GPC6: variants seen among roughly 807,000 people sequenced by gnomAD.
GPC6 encodes the protein glypican-6.
GPC6 carries 14 observed loss-of-function variants against 55.2 expected under a neutral mutation model. That is an observed-to-expected ratio of 0.25 (90% CI 0.17 to 0.40). The LOEUF (loss-of-function observed/expected upper bound fraction) is 0.40, where lower values mean the gene tolerates loss of function less well. Ranked by LOEUF, GPC6 falls within the 10% of genes least tolerant of loss-of-function variation. GPC6 has a pLI of 1.00. For missense variants in GPC6, 641 were observed against 708.5 expected (o/e 0.90, Z 1.08); for synonymous variants, 278 against 259.6 (o/e 1.07, Z -0.68).
At chr13:93,446,234 C>A (rs1249316177) in intron 1 of GPC6, among the ~76,000 whole-genome samples, 1 of 152,116 alleles carries the variant, frequency 6.6e-6, no homozygotes, top group Non-Finnish European at 1.5e-5. Flanking sequence ...CTAGCTCCTG[C>A]AAGCTCCTTT....
chr13:94,180,902 G>C (rs1223901374), intron 4 of GPC6, among the ~76,000 whole-genome samples: 1 of 152,070 alleles, frequency 6.6e-6, no homozygotes, highest in African/African-American at 2.4e-5. Context: ...GAGAGAGGGA[G>C]AGAGACTGAA....
chr13:93,633,761 T>C (rs1420369731), intron 2 of GPC6, among the ~76,000 whole-genome samples: 1 of 152,098 alleles, frequency 6.6e-6, no homozygotes, highest in Non-Finnish European at 1.5e-5. Context: ...AGTGAAAGAA[T>C]AGAAAGTCGG....
intron 4 of GPC6, among the ~76,000 whole-genome samples, chr13:94,177,345 CAA>C (rs1888812656): frequency 6.6e-6 from 1 of 151,800 alleles, no homozygotes; most frequent in Non-Finnish European, 1.5e-5. Context: ...TGTCAACCAC[CAA>C]GATAAAGATA....
intron 2 of GPC6, among the ~76,000 whole-genome samples, chr13:93,681,368 ATACT>A (rs1881840216): frequency 6.6e-6 from 1 of 152,182 alleles, no homozygotes; most frequent in Admixed American, 6.6e-5. Context: ...TATTTGAAAA[ATACT>A]TATATATTTA....
At chr13:94,398,396 C>A in intron 7 of GPC6, 70 bp from the exon 8 acceptor site, 2 of 1,158,602 alleles carry the variant, frequency 1.7e-6, no homozygotes, top group Non-Finnish European at 2.6e-6. Flanking sequence ...TCTGGTTTTG[C>A]ATGGCAGCAT....
Position 93,513,927 on chromosome 13 carries a change from G to A in GPC6, c.161-31336G>A, listed in dbSNP as rs143639251. Among the ~76,000 whole-genome samples, 44 of 143,340 alleles carry A rather than the reference G, an allele frequency of 3.1e-4. 2 individuals are homozygous for A. The East Asian group carries it at 7.3e-3, about 24-fold the overall frequency. The allele number at this position is 143,340 out of a possible 152,430, so 94.0% of individuals were successfully genotyped here. On this transcript the variant is annotated intron_variant, in intron 1 of 8. Coordinates refer to ENST00000377047, the MANE Select transcript of GPC6 (RefSeq NM_005708.5). ...TCACTCTCGTTGCCCAGGCTGGAGT[G>A]TAATGGAGCAATCTTGGCTCACTGC...
chr13:93,698,313 C>T (rs145803377), intron 2 of GPC6, among the ~76,000 whole-genome samples: 205 of 152,206 alleles, frequency 1.3e-3, no homozygotes, highest in African/African-American at 4.8e-3. Context: ...TGTCATTAAG[C>T]ATTCTTCGTT....
At chr13:94,191,670 T>G (rs945634542) in intron 4 of GPC6, among the ~76,000 whole-genome samples, 6 of 151,986 alleles carry the variant, frequency 3.9e-5, no homozygotes, top group African/African-American at 1.5e-4. Context: ...AATTGAGACT[T>G]ATCTTTCCAT....
At chr13:93,527,360 C>T (rs1199005509) in intron 1 of GPC6, among the ~76,000 whole-genome samples, 1 of 152,018 alleles carries the variant, frequency 6.6e-6, no homozygotes, top group Non-Finnish European at 1.5e-5. Context: ...GCAGTGTATT[C>T]CTTAAAACTC....
At chr13:94,300,643 T>C (rs1875601423) in intron 5 of GPC6, among the ~76,000 whole-genome samples, 1 of 152,198 alleles carries the variant, frequency 6.6e-6, no homozygotes, top group Non-Finnish European at 1.5e-5. Flanking sequence ...AGAATTGCTT[T>C]GTACATCTGT....
chr13:93,306,250 A>G (rs923521767), intron 1 of GPC6, among the ~76,000 whole-genome samples: 33 of 152,200 alleles, frequency 2.2e-4, no homozygotes, highest in African/African-American at 7.7e-4. Flanking sequence ...TAATGAAATA[A>G]GCATGTGATT....
chr13:93,652,458 C>T (rs1413211232), intron 2 of GPC6, among the ~76,000 whole-genome samples: 1 of 152,210 alleles, frequency 6.6e-6, no homozygotes, highest in Non-Finnish European at 1.5e-5. Context: ...CCACCAAATT[C>T]AGCCAGTTTA....
intron 2 of GPC6, among the ~76,000 whole-genome samples, chr13:93,823,371 G>A (rs958876890): frequency 4.6e-5 from 7 of 151,652 alleles, no homozygotes; most frequent in African/African-American, 9.7e-5. Flanking sequence ...GTCTATCATC[G>A]TTTTGGATCT....
intron 6 of GPC6, among the ~76,000 whole-genome samples, chr13:94,371,104 G>A (rs1438967511): frequency 6.6e-6 from 1 of 152,146 alleles, no homozygotes; most frequent in Admixed American, 6.5e-5. Context: ...CAATACACCA[G>A]CAGCAAGTTA....
At chr13:94,038,174 G>A (rs1883407828) in intron 4 of GPC6, among the ~76,000 whole-genome samples, 1 of 151,816 alleles carries the variant, frequency 6.6e-6, no homozygotes, top group Non-Finnish European at 1.5e-5. Context: ...TATACATTGT[G>A]AAGTAATTAC....
intron 4 of GPC6, among the ~76,000 whole-genome samples, chr13:94,085,963 A>C (rs1885267443): frequency 6.6e-6 from 1 of 152,160 alleles, no homozygotes; most frequent in Non-Finnish European, 1.5e-5. Flanking sequence ...AACTTCTCCT[A>C]ATGGGTTATT....
At chr13:93,828,941 AG>A (rs1489964301) in intron 2 of GPC6, among the ~76,000 whole-genome samples, 3 of 152,142 alleles carry the variant, frequency 2.0e-5, no homozygotes, top group African/African-American at 7.2e-5. Context: ...GAATTAATGG[AG>A]AGGTGTTCGT....
In GPC6 at chr13:94,225,829, T is replaced by G. The variant is rs532417326; in HGVS notation, c.878-60520T>G. ...ATGCATCGTTCAGTATTCACTAATC[T>G]GGTGTTTGCAGTGACCTTACAGAAC... On this transcript the variant is annotated intron_variant, in intron 4 of 8. Transcript: ENST00000377047. Among the ~76,000 whole-genome samples, 23 of 152,226 alleles carry G rather than the reference T, an allele frequency of 1.5e-4. No individual in the cohort carries two copies. The East Asian group carries it at 3.7e-3, about 24-fold the overall frequency.
chr13:93,873,591 T>C lies in GPC6; in HGVS notation c.711+43046T>C, dbSNP rs183428652. On this transcript the variant is annotated intron_variant, in intron 3 of 8. Transcript: ENST00000377047. ...CATTCTGTGCACAAGACAGCCCCTA[T>C]GACAAATAATCATCTGGCCCCACCT... 2.1e-3 allele frequency among the ~76,000 whole-genome samples: 324 copies of C among 152,026 alleles called. 2 individuals are homozygous for C. The highest frequency in any genetic ancestry group is 7.2e-3 in the African/African-American group (298 of 41,532).
Sources: gnomAD v4.1 joint callset for allele counts (sites outside exome capture counted in the v4.1 genomes callset) on GRCh38, gnomAD v4.1.1 for gene constraint, MANE v1.5 for transcripts, NCBI Gene and HGNC (gene_info 2026-07-23, HGNC 2026-07-21) for gene names.